Variants in TRPM6 observed in about 807,000 individuals in gnomAD.
TRPM6 encodes transient receptor potential cation channel subfamily M member 6, also known as channel kinase 2.
TRPM6 carries 111 observed loss-of-function variants against 247.6 expected under a neutral mutation model. That is an observed-to-expected ratio of 0.45 (90% CI 0.38 to 0.52). The LOEUF (loss-of-function observed/expected upper bound fraction) is 0.52, where lower values mean the gene tolerates loss of function less well. Among genes scored for constraint, TRPM6 ranks in the 20% least tolerant of loss-of-function variants. The probability of loss-of-function intolerance (pLI) is 0.00; values close to 1 mark genes in which losing one functional copy is unlikely to be tolerated. For synonymous variants in TRPM6, 892 were observed against 853.8 expected, an observed-to-expected ratio of 1.04 and a Z score of -0.78; for missense variants, 2,126 against 2,421.5, an observed-to-expected ratio of 0.88 and a Z score of 2.56.
chr9:74,791,265 A>G (rs1827887812), intron 19 of TRPM6, among the ~76,000 whole-genome samples: 1 of 152,246 alleles, frequency 6.6e-6, no homozygotes, highest in Non-Finnish European at 1.5e-5. Flanking sequence ...GATAAAAATC[A>G]TACACAGCTA....
At chr9:74,843,332 T>C (rs1293212990) in intron 3 of TRPM6, among the ~76,000 whole-genome samples, 2 of 152,142 alleles carry the variant, frequency 1.3e-5, no homozygotes, top group Non-Finnish European at 2.9e-5. Flanking sequence ...AAAGTTGGGA[T>C]CAGCATCTCT....
intron 24 of TRPM6, 136 bp downstream of exon 24, chr9:74,775,747 A>T: frequency 1.2e-6 from 1 of 859,876 alleles, no homozygotes; most frequent in Non-Finnish European, 2.0e-6. Flanking sequence ...GACCCAGAGC[A>T]TCAGCTGATA....
intron 24 of TRPM6, among the ~76,000 whole-genome samples, chr9:74,774,405 G>C (rs983826268): frequency 1.3e-5 from 2 of 152,104 alleles, no homozygotes; most frequent in Admixed American, 1.3e-4. Context: ...ATAATTATAA[G>C]CCTTCAAGTT....
At chr9:74,796,955 T>A (rs1587516061) in intron 17 of TRPM6, 62 bp from the exon 18 acceptor site, 2 of 1,423,046 alleles carry the variant, frequency 1.4e-6, no homozygotes, top group East Asian at 2.3e-5. Context: ...ACTAGACAAA[T>A]AACAAAATTA....
chr9:74,787,237 A>C (rs1827714037), intron 20 of TRPM6, among the ~76,000 whole-genome samples: 1 of 152,002 alleles, frequency 6.6e-6, no homozygotes, highest in African/African-American at 2.4e-5. Context: ...CCGGAGGCTA[A>C]GGCAGGAGAA....
At chr9:74,886,310 G>A (rs1200747732) in intron 1 of TRPM6, among the ~76,000 whole-genome samples, 2 of 152,146 alleles carry the variant, frequency 1.3e-5, no homozygotes, top group Middle Eastern at 3.2e-3. Flanking sequence ...ATTCCAGTCT[G>A]GCCAAAATAG....
intron 1 of TRPM6, among the ~76,000 whole-genome samples, chr9:74,873,777 A>G (rs1391609157): frequency 6.6e-6 from 1 of 152,036 alleles, no homozygotes; most frequent in East Asian, 1.9e-4. Context: ...ACAGAAAAAA[A>G]TCTTTTAATT....
intron 3 of TRPM6, among the ~76,000 whole-genome samples, chr9:74,852,556 G>C (rs955871627): frequency 6.6e-6 from 1 of 151,922 alleles, no homozygotes; most frequent in Non-Finnish European, 1.5e-5. Flanking sequence ...AAGGCGGACT[G>C]TGCCGCCACC....
chr9:74,827,595 G>A, intron 7 of TRPM6, 183 bp downstream of exon 7: 1 of 712,648 alleles, frequency 1.4e-6, no homozygotes, highest in South Asian at 1.5e-5. Context: ...AGTGTCATTT[G>A]GATTGGATAC....
chr9:74,853,558 C>A (rs1201955123), intron 3 of TRPM6, among the ~76,000 whole-genome samples: 1 of 152,026 alleles, frequency 6.6e-6, no homozygotes, highest in Non-Finnish European at 1.5e-5. Context: ...ATAACCTTAC[C>A]CCCAACCCTG....
chr9:74,879,145 A>T (rs1004040916), intron 1 of TRPM6, among the ~76,000 whole-genome samples: 1 of 152,022 alleles, frequency 6.6e-6, no homozygotes, highest in Admixed American at 6.5e-5. Context: ...AAGAACCAAA[A>T]GAAATTCTAG....
chr9:74,838,503 T>C (rs1436744147), intron 5 of TRPM6, among the ~76,000 whole-genome samples: 2 of 152,252 alleles, frequency 1.3e-5, no homozygotes, highest in Non-Finnish European at 2.9e-5. Context: ...AACTTTGTTA[T>C]GTCAGTACAA....
At chr9:74,739,657 A>G in intron 34 of TRPM6, 66 bp downstream of exon 34, 6 of 1,592,298 alleles carry the variant, frequency 3.8e-6, no homozygotes, top group Non-Finnish European at 5.1e-6. Flanking sequence ...TTAGATAAGG[A>G]TGTAGCCAGA....
At chr9:74,829,857 G>C (rs1829483926) in intron 6 of TRPM6, among the ~76,000 whole-genome samples, 1 of 152,142 alleles carries the variant, frequency 6.6e-6, no homozygotes, top group Non-Finnish European at 1.5e-5. Flanking sequence ...ACAGAGAGAG[G>C]CTCATTCCTA....
At chr9:74,734,268 G>A (rs1453501231) in intron 36 of TRPM6, among the ~76,000 whole-genome samples, 1 of 152,020 alleles carries the variant, frequency 6.6e-6, no homozygotes, top group Admixed American at 6.5e-5. Flanking sequence ...CTAACCTTGT[G>A]GGAAGATTAT....
chr9:74,822,478 C>A (rs1829165958), intron 7 of TRPM6, among the ~76,000 whole-genome samples: 1 of 151,294 alleles, frequency 6.6e-6, no homozygotes, highest in Non-Finnish European at 1.5e-5. Flanking sequence ...TGATCTCAAG[C>A]TCCTTGTCTC....
intron 1 of TRPM6, among the ~76,000 whole-genome samples, chr9:74,873,021 C>T (rs903412934): frequency 2.0e-5 from 3 of 152,216 alleles, no homozygotes; most frequent in African/African-American, 7.2e-5. Flanking sequence ...TAAAGTTCTT[C>T]ACACGCTTTA....
chr9:74,732,694 T>G lies in TRPM6; in HGVS notation c.5819A>C (p.Glu1940Ala). The change falls in exon 37 of 39, where the codon GAA becomes GCA. Residue 1940 changes from glutamate (E) to alanine (A), a missense_variant. Around this residue, in one of 3 missense-constraint regions of TRPM6, gnomAD observed 327 missense variants for 397.7 expected, o/e 0.82. Coordinates refer to ENST00000360774, the MANE Select transcript of TRPM6 (RefSeq NM_017662.5). ...NLTDPSVIKP[E>A]VKQSRGMVFG... ...ACATAAATTAACTTACTGTTTGACTTCAGGTTTTATAACAGATGGATCTGT... is the reference window on the plus strand; with the variant it reads ...ACATAAATTAACTTACTGTTTGACTGCAGGTTTTATAACAGATGGATCTGT... The G allele has an allele frequency of 6.2e-7, 1 of 1,608,044 alleles. No individual in the cohort carries two copies. The highest frequency in any genetic ancestry group is 8.5e-7 in the Non-Finnish European group (1 of 1,176,614).
At chr9:74,777,766 C>T (rs1226718628) in intron 23 of TRPM6, among the ~76,000 whole-genome samples, 5 of 152,040 alleles carry the variant, frequency 3.3e-5, no homozygotes, top group Admixed American at 1.3e-4. Flanking sequence ...CTGCCAGGCC[C>T]GGGGACAGAA....
Sources: gnomAD v4.1 joint callset for allele counts (sites outside exome capture counted in the v4.1 genomes callset) on GRCh38, gnomAD v4.1.1 for gene constraint, gnomAD v4.1.1 regional missense constraint, MANE v1.5 for transcripts, NCBI Gene and HGNC (gene_info 2026-07-23, HGNC 2026-07-21) for gene names.